Variants in INTS6 observed in about 807,000 individuals in gnomAD.
INTS6 encodes the protein integrator complex subunit 6, also known as DEAD box protein.
INTS6 carries 16 observed loss-of-function variants against 104.9 expected under a neutral mutation model. The observed-to-expected ratio is 0.15, with a 90% CI of 0.10 to 0.23. The LOEUF (loss-of-function observed/expected upper bound fraction) is 0.23. INTS6 is among the 10% of genes least tolerant of loss of function. The pLI is 1.00. For missense variants in INTS6, 584 were observed against 1,062.8 expected (o/e 0.55, Z 6.26); for synonymous variants, 324 against 358.7 (o/e 0.90, Z 1.09).
At chr13:51,399,435 C>T (rs1198675440) in intron 4 of INTS6, among the ~76,000 whole-genome samples, 1 of 152,072 alleles carries the variant, frequency 6.6e-6, no homozygotes, top group African/African-American at 2.4e-5. Flanking sequence ...CGTAATTATC[C>T]TTTTGAATTG....
intron 5 of INTS6, among the ~76,000 whole-genome samples, chr13:51,393,551 T>C (rs911033576): frequency 5.3e-5 from 8 of 152,172 alleles, no homozygotes; most frequent in Non-Finnish European, 2.9e-5. Context: ...TATTCAGAGA[T>C]ATGAAAAGAT....
chr13:51,365,969 A>T, intron 17 of INTS6, 124 bp from the exon 18 acceptor site: 1 of 538,880 alleles, frequency 1.9e-6, no homozygotes, highest in Non-Finnish European at 3.3e-6. Context: ...AAAATAGAAA[A>T]ATCAATACTA....
intron 3 of INTS6, chr13:51,446,292 C>G (rs548674418): frequency 6.6e-6 from 1 of 152,276 alleles, no homozygotes; most frequent in East Asian, 1.9e-4. Flanking sequence ...AAATGGCCAA[C>G]AAGCGTATGT....
At chr13:51,336,207 G>T in the INTS6 span, among the ~76,000 whole-genome samples, 1 of 152,168 alleles carries the variant, frequency 6.6e-6, no homozygotes, top group African/African-American at 2.4e-5. Flanking sequence ...CATACTTCCA[G>T]TTGGATGCGG....
At chr13:51,397,815 CCA>C (rs138888033) in intron 4 of INTS6, among the ~76,000 whole-genome samples, 24 of 149,758 alleles carry the variant, frequency 1.6e-4, no homozygotes, top group East Asian at 2.0e-4. Context: ...ACTGCGCGGA[CCA>C]CACACACACA....
chr13:51,348,411 G>A, the INTS6 span: 1 of 1,612,760 alleles, frequency 6.2e-7, no homozygotes, highest in East Asian at 2.2e-5. Context: ...TTCCTGCCCA[G>A]GTGAGCAGCT....
chr13:51,404,770 T>TAA (rs1956528184), intron 4 of INTS6, among the ~76,000 whole-genome samples: 1 of 152,212 alleles, frequency 6.6e-6, no homozygotes, highest in Non-Finnish European at 1.5e-5. Context: ...TGCAGTGGCC[T>TAA]AGTACCAATG....
intron 2 of INTS6, chr13:51,451,606 G>A (rs1029688364): frequency 6.4e-6 from 1 of 156,170 alleles, no homozygotes; most frequent in Non-Finnish European, 1.4e-5. Flanking sequence ...ATGCAAACCG[G>A]GGCTGTGCGC....
At chr13:51,339,898 C>T in the INTS6 span, among the ~76,000 whole-genome samples, 59 of 151,754 alleles carry the variant, frequency 3.9e-4, no homozygotes, top group Non-Finnish European at 1.2e-4. Context: ...TGCAAATGAC[C>T]CTGGGCTGGG....
At chr13:51,401,007 C>T (rs1956427950) in intron 4 of INTS6, among the ~76,000 whole-genome samples, 1 of 152,084 alleles carries the variant, frequency 6.6e-6, no homozygotes, top group Non-Finnish European at 1.5e-5. Flanking sequence ...TGTCAAAAGC[C>T]AGTAAATTAT....
In INTS6 at chr13:51,389,141, T is replaced by C. The variant is rs142002811; in HGVS notation, c.739+178A>G. 6.4e-4 allele frequency among the ~76,000 whole-genome samples: 97 copies of C among 152,348 alleles called. No individual in the cohort carries two copies. The East Asian group carries it at 0.015, about 24-fold the overall frequency. ...CATTAATACAAAAAGGTGATGCTAC[T>C]AGACTACTATTAGTTTACCTTGACT... On this transcript the variant is annotated intron_variant, in intron 6 of 17. Coordinates refer to ENST00000311234, the MANE Select transcript of INTS6 (RefSeq NM_012141.3).
In INTS6 at chr13:51,363,610, C is replaced by A. The variant is rs1955627225; in HGVS notation, c.*2142G>T. 6.6e-6 allele frequency: 1 copy of A among 151,890 alleles called. No homozygotes were observed. Among genetic ancestry groups the A allele is most frequent in the East Asian group, 1.9e-4 (1 of 5,182 alleles). 9.4% of individuals were successfully genotyped at this position (151,890 alleles called of 1,614,324 possible). On this transcript the variant is annotated 3_prime_UTR_variant, in exon 18 of 18. Coordinates refer to ENST00000311234, the MANE Select transcript of INTS6 (RefSeq NM_012141.3). Reference sequence around the variant, plus strand: ...AAGGGCCTAAAAGACATGATGTTTCCCCTAGATGTATTTCCCTTCCCCTTT... The same window carrying A: ...AAGGGCCTAAAAGACATGATGTTTCACCTAGATGTATTTCCCTTCCCCTTT...
Position 51,413,599 on chromosome 13 carries a change from A to G in INTS6, c.429+16695T>C, listed in dbSNP as rs1262765258. The stretch of plus-strand genomic sequence containing the variant: ...ACTTTGGTTTTTATGACAGAAACAC[A>G]TTCTTTAACATTTTAAATATCTACC... On this transcript the variant is annotated intron_variant, in intron 4 of 17. Coordinates refer to ENST00000311234, the MANE Select transcript of INTS6 (RefSeq NM_012141.3). Among the ~76,000 whole-genome samples the G allele has an allele frequency of 3.9e-5, 6 of 152,346 alleles. No homozygotes were observed. In the South Asian group the frequency reaches 8.3e-4, roughly 21 times the overall value.
At position 51,403,004 on chromosome 13, in the gene INTS6, C is replaced by T. The variant is rs116817837; in HGVS notation, c.430-7521G>A. 2.8e-3 allele frequency among the ~76,000 whole-genome samples: 431 copies of T among 152,224 alleles called. 2 individuals are homozygous for T. The highest frequency in any genetic ancestry group is 9.4e-3 in the African/African-American group (389 of 41,534). ...TTCAGGATTTAATGTAGATAAACTA[C>T]GCCAAATAAACAAGATTTGAGATCA... is the stretch of plus-strand genomic sequence containing the variant. On this transcript the variant is annotated intron_variant, in intron 4 of 17. Transcript: ENST00000311234.
rs770873362 is a variant in INTS6 at position 51,451,194 on chromosome 13, AT to A, written c.190-21del. On this transcript the variant is annotated intron_variant, in intron 2 of 17. Coordinates refer to ENST00000311234, the MANE Select transcript of INTS6 (RefSeq NM_012141.3). Reference sequence around the variant, plus strand: ...TCCAGCCTGAAAAGAAAAATGTAAGATTTTTTTTTTTCATTTTTTAAAGCCA... The same window carrying A: ...TCCAGCCTGAAAAGAAAAATGTAAGATTTTTTTTTTCATTTTTTAAAGCCA... 6.6e-3 allele frequency: 8,353 copies of A among 1,263,282 alleles called. 8 individuals carry two copies. The highest frequency in any genetic ancestry group is 0.021 in the South Asian group (1,273 of 62,084). The allele number at this position is 1,263,282 out of a possible 1,614,324, so 78.3% of individuals were successfully genotyped here. A position where few individuals can be genotyped will look rare whatever the true frequency, so the allele number is the denominator to read the frequency against.
At chr13:51,414,631 T>C (rs1432893339) in intron 4 of INTS6, among the ~76,000 whole-genome samples, 1 of 152,126 alleles carries the variant, frequency 6.6e-6, no homozygotes, top group Non-Finnish European at 1.5e-5. Context: ...TAATAAAAGC[T>C]TTTTTTAAAG....
downstream of INTS6, among the ~76,000 whole-genome samples, chr13:51,349,563 G>C (rs990857247): frequency 1.3e-5 from 2 of 152,194 alleles, no homozygotes. Context: ...AAGGAGGCTG[G>C]TGCGAGAATT....
chr13:51,420,219 CATA>C (rs1184879008), intron 4 of INTS6, among the ~76,000 whole-genome samples: 4 of 147,196 alleles, frequency 2.7e-5, no homozygotes, highest in East Asian at 2.0e-4. Context: ...ATGTTTTTAA[CATA>C]ATAATATTAA....
chr13:51,334,712 T>G, the INTS6 span, among the ~76,000 whole-genome samples: 1 of 152,314 alleles, frequency 6.6e-6, no homozygotes, highest in South Asian at 2.1e-4. Flanking sequence ...CCAGGCATGG[T>G]GGCTCACGCC....
Sources: gnomAD v4.1 joint callset for allele counts (sites outside exome capture counted in the v4.1 genomes callset) on GRCh38, gnomAD v4.1.1 for gene constraint, MANE v1.5 for transcripts, NCBI Gene and HGNC (gene_info 2026-07-23, HGNC 2026-07-21) for gene names.